SEMA5A: variants seen among roughly 807,000 people sequenced by gnomAD.
SEMA5A encodes semaphorin-5A.
A neutral mutation model predicts 135.5 loss-of-function variants in SEMA5A; 55 were observed. The observed-to-expected ratio is 0.41, with a 90% CI of 0.33 to 0.51. The LOEUF (loss-of-function observed/expected upper bound fraction) is 0.51. SEMA5A is among the 20% of genes least tolerant of loss of function. The pLI, the probability that SEMA5A is intolerant of heterozygous loss-of-function variation, is 0.37. For synonymous variants in SEMA5A, 580 were observed against 546.5 expected (o/e 1.06, Z -0.85); for missense variants, 1,290 against 1,419.9 (o/e 0.91, Z 1.47).
At chr5:9,434,226 A>G (rs758998693) in intron 2 of SEMA5A, among the ~76,000 whole-genome samples, 4 of 152,194 alleles carry the variant, frequency 2.6e-5, no homozygotes, top group Non-Finnish European at 5.9e-5. Flanking sequence ...ATAATATGAG[A>G]AAGTATGTAT....
intron 3 of SEMA5A, among the ~76,000 whole-genome samples, chr5:9,373,924 G>A (rs1755248325): frequency 1.3e-5 from 2 of 152,266 alleles, no homozygotes; most frequent in South Asian, 4.1e-4. Flanking sequence ...AGCAGAATAT[G>A]GCACATTGCC....
intron 4 of SEMA5A, among the ~76,000 whole-genome samples, chr5:9,334,114 T>C (rs1296400358): frequency 6.6e-6 from 1 of 152,030 alleles, no homozygotes; most frequent in Non-Finnish European, 1.5e-5. Context: ...TATCAAAGAG[T>C]ACAAAGAATC....
At chr5:9,506,100 G>A (rs1735866719) in intron 1 of SEMA5A, among the ~76,000 whole-genome samples, 1 of 152,176 alleles carries the variant, frequency 6.6e-6, no homozygotes, top group Admixed American at 6.5e-5. Context: ...GAAAGGATTA[G>A]ATAATTTAGG....
In SEMA5A at chr5:9,224,735, G is replaced by A. The variant is rs1161692181; in HGVS notation, c.585C>T (p.Tyr195=). 2.5e-6 allele frequency: 4 copies of A among 1,614,156 alleles called. No homozygotes were observed. In the East Asian group the frequency reaches 8.9e-5, roughly 36 times the overall value. The change falls in exon 8 of 23, where the codon TAC becomes TAT. Residue 195 remains tyrosine (Y), a synonymous_variant. Coordinates refer to ENST00000382496, the MANE Select transcript of SEMA5A (RefSeq NM_003966.3). ...MDFPGRDPAI[Y]RSLGILPPLR... Reference sequence around the variant, plus strand: ...GAGGAGGTAAAATGCCTAGGCTTCGGTAAATGGCAGGATCACGTCCTGGAA... The same window carrying A: ...GAGGAGGTAAAATGCCTAGGCTTCGATAAATGGCAGGATCACGTCCTGGAA...
At chr5:9,103,892 T>C (rs972265120) in intron 16 of SEMA5A, among the ~76,000 whole-genome samples, 1 of 152,184 alleles carries the variant, frequency 6.6e-6, no homozygotes, top group Non-Finnish European at 1.5e-5. Context: ...CCTATGCTCA[T>C]GATGATCTCC....
intron 1 of SEMA5A, among the ~76,000 whole-genome samples, chr5:9,439,620 T>C (rs1758160491): frequency 6.6e-6 from 1 of 152,126 alleles, no homozygotes; most frequent in African/African-American, 2.4e-5. Context: ...CTGCAGAATA[T>C]GGGTCAGTCT....
intron 5 of SEMA5A, among the ~76,000 whole-genome samples, chr5:9,262,896 T>TAAAA (rs200691633): frequency 3.5e-5 from 4 of 114,972 alleles, no homozygotes; most frequent in African/African-American, 1.3e-4. Flanking sequence ...TAGATTATAA[T>TAAAA]AAAAAAAAAA....
intron 16 of SEMA5A, among the ~76,000 whole-genome samples, chr5:9,075,507 T>C (rs900810394): frequency 3.8e-4 from 54 of 143,920 alleles, no homozygotes; most frequent in Middle Eastern, 3.7e-3. Flanking sequence ...ACTCTTAATA[T>C]ACAAAACAAC....
chr5:9,072,388 C>T (rs1737815919), intron 16 of SEMA5A, among the ~76,000 whole-genome samples: 8 of 152,160 alleles, frequency 5.3e-5, no homozygotes, highest in Admixed American at 5.2e-4. Flanking sequence ...ACAAAATGAA[C>T]ACACCAGTGA....
intron 15 of SEMA5A, among the ~76,000 whole-genome samples, chr5:9,116,003 G>A (rs1055980203): frequency 2.0e-5 from 3 of 152,118 alleles, no homozygotes; most frequent in African/African-American, 7.2e-5. Flanking sequence ...AACTGAGAGT[G>A]GTCTCTAAAT....
chr5:9,469,894 C>A (rs971234811), intron 1 of SEMA5A, among the ~76,000 whole-genome samples: 1 of 152,154 alleles, frequency 6.6e-6, no homozygotes, highest in Non-Finnish European at 1.5e-5. Flanking sequence ...AAGCTCTGAG[C>A]CAGACAAATG....
At chr5:9,412,490 CTTTTT>C (rs34854075) in intron 2 of SEMA5A, among the ~76,000 whole-genome samples, 5 of 103,022 alleles carry the variant, frequency 4.9e-5, no homozygotes, top group African/African-American at 1.5e-4. Context: ...TACTTCATTG[CTTTTT>C]TTTTTTTTTT....
Position 9,192,733 on chromosome 5 carries a change from C to G in SEMA5A, c.1069-2262G>C, listed in dbSNP as rs190917567. ...GATCTAATGTCTACGCAGAAAGGTT[C>G]TAGTTCTGAGCATGATGTTACGTGT... On this transcript the variant is annotated intron_variant, in intron 10 of 22. Transcript: ENST00000382496. Among the ~76,000 whole-genome samples, 127 of 152,324 alleles carry G rather than the reference C, an allele frequency of 8.3e-4. 2 individuals carry two copies.
intron 1 of SEMA5A, among the ~76,000 whole-genome samples, chr5:9,451,309 A>G (rs1256858827): frequency 3.9e-5 from 6 of 152,172 alleles, no homozygotes; most frequent in Non-Finnish European, 5.9e-5. Context: ...TAAACAACAA[A>G]CAAGACTCCT....
chr5:9,265,796 T>C (rs1401354915), intron 5 of SEMA5A, among the ~76,000 whole-genome samples: 1 of 152,182 alleles, frequency 6.6e-6, no homozygotes, highest in East Asian at 1.9e-4. Flanking sequence ...AGACACAGGA[T>C]TCAGCAAGCC....
chr5:9,281,249 T>C (rs970836773), intron 5 of SEMA5A, among the ~76,000 whole-genome samples: 1 of 152,248 alleles, frequency 6.6e-6, no homozygotes, highest in Non-Finnish European at 1.5e-5. Context: ...TTTTCTCTTC[T>C]ATAATGTAAA....
At chr5:9,275,489 A>G (rs1369170883) in intron 5 of SEMA5A, among the ~76,000 whole-genome samples, 3 of 152,242 alleles carry the variant, frequency 2.0e-5, no homozygotes, top group African/African-American at 7.2e-5. Context: ...TCATGAGGCC[A>G]GCATCATCCT....
At chr5:9,539,432 A>G (rs914677982) in intron 1 of SEMA5A, among the ~76,000 whole-genome samples, 1 of 152,224 alleles carries the variant, frequency 6.6e-6, no homozygotes, top group Non-Finnish European at 1.5e-5. Flanking sequence ...ATATAAGAAA[A>G]AGCCTGCCAT....
intron 1 of SEMA5A, among the ~76,000 whole-genome samples, chr5:9,468,843 A>G (rs925503008): frequency 8.5e-5 from 13 of 152,196 alleles, no homozygotes; most frequent in African/African-American, 3.1e-4. Context: ...CACTGAGTAA[A>G]TGGATTCATA....
Sources: allele counts gnomAD v4.1 joint callset (sites outside exome capture counted in the v4.1 genomes callset), GRCh38; gene constraint gnomAD v4.1.1; transcripts MANE v1.5; gene names NCBI Gene and HGNC (gene_info 2026-07-23, HGNC 2026-07-21).